Variants in ZNF536 observed in about 807,000 individuals in gnomAD.
The protein encoded by ZNF536 is zinc finger protein 536.
In ZNF536, 13 loss-of-function variants were observed where a neutral mutation model predicts 84.5. The observed-to-expected ratio is 0.15, with a 90% CI of 0.10 to 0.24. The LOEUF is 0.24. ZNF536 is among the 10% of genes least tolerant of loss of function. The pLI, the probability that ZNF536 is intolerant of heterozygous loss-of-function variation, is 1.00. For missense variants in ZNF536, 1,536 were observed against 1,747.5 expected (o/e 0.88, Z 2.16); for synonymous variants, 811 against 742.5 (o/e 1.09, Z -1.50).
At chr19:30,273,361 A>T (rs1217783090) in intron 1 of ZNF536, among the ~76,000 whole-genome samples, 1 of 152,192 alleles carries the variant, frequency 6.6e-6, no homozygotes, top group Non-Finnish European at 1.5e-5. Flanking sequence ...CTAGCAGTGA[A>T]TGAGAGTTCC....
At position 30,344,137 on chromosome 19, in the gene ZNF536, C is replaced by A. The variant is rs1470594502; in HGVS notation, c.-119-8231C>A. ...CCCTGTGGTTTCCCACCCCTAGGGC[C>A]TGCCCCCAGTTGGCAGACAAGGACA... On this transcript the variant is annotated intron_variant, in intron 2 of 5. Transcript: ENST00000585628. 4.0e-5 allele frequency among the ~76,000 whole-genome samples: 6 copies of A among 151,390 alleles called. No individual in the cohort carries two copies. The East Asian group carries it at 1.2e-3, about 30-fold the overall frequency.
intron 1 of ZNF536, among the ~76,000 whole-genome samples, chr19:30,400,824 C>G (rs1012132408): frequency 1.3e-5 from 2 of 152,152 alleles, no homozygotes; most frequent in Admixed American, 6.5e-5. Flanking sequence ...TTTTTATCTT[C>G]TTAGCAGGGT....
In ZNF536 at chr19:30,305,452, G is replaced by A. The variant is rs111369140; in HGVS notation, c.-120+21311G>A. On this transcript the variant is annotated intron_variant, in intron 2 of 5. Coordinates refer to the ZNF536 transcript ENST00000585628. ...AGTCAAGTGCTTGGCAAATGGAGGT[G>A]TGATCTGAGCGGTGAGCAGCTGGGT... Among the ~76,000 whole-genome samples the A allele has an allele frequency of 7.7e-3, 1,170 of 152,308 alleles. 5 individuals are homozygous for A. Among genetic ancestry groups the A allele is most frequent in the Non-Finnish European group, 0.012 (817 of 68,024 alleles).
intron 2 of ZNF536, among the ~76,000 whole-genome samples, chr19:30,307,249 C>T (rs552859687): frequency 9.2e-5 from 14 of 152,120 alleles, no homozygotes; most frequent in African/African-American, 2.9e-4. Context: ...TACCTCCCCC[C>T]CCTTTTTTGA....
intron 2 of ZNF536, among the ~76,000 whole-genome samples, chr19:30,291,126 T>C (rs2045826093): frequency 6.6e-6 from 1 of 152,230 alleles, no homozygotes; most frequent in South Asian, 2.1e-4. Flanking sequence ...CTTTACTTTG[T>C]AGATAGTGCT....
exon 2 of ZNF536, chr19:30,711,519 A>T (rs2052452764): frequency 6.6e-6 from 1 of 152,244 alleles, no homozygotes; most frequent in Non-Finnish European, 1.5e-5. Context: ...CGGTCACTGC[A>T]GAGAAAATCA....
At chr19:30,286,924 A>G (rs1329706801) in intron 2 of ZNF536, among the ~76,000 whole-genome samples, 1 of 152,182 alleles carries the variant, frequency 6.6e-6, no homozygotes, top group Non-Finnish European at 1.5e-5. Flanking sequence ...TGTTTTTACA[A>G]CTGATCCTTG....
chr19:30,277,234 T>A (rs934299240), intron 1 of ZNF536, among the ~76,000 whole-genome samples: 2 of 152,138 alleles, frequency 1.3e-5, no homozygotes, highest in South Asian at 4.1e-4. Context: ...GATGTGCACA[T>A]GGATTTGTTT....
At position 30,657,817 on chromosome 19, in the gene ZNF536, C is replaced by T. The variant is rs559089386; in HGVS notation, c.170-52940C>T. On this transcript the variant is annotated intron_variant, in intron 1 of 1. Coordinates refer to the ZNF536 transcript ENST00000592773. ...CACCAGAAAGACCTGTTAATTCCAT[C>T]TCAAAAAGAAATCAATCCAGAATCC... Among the ~76,000 whole-genome samples the T allele has an allele frequency of 7.2e-5, 11 of 152,316 alleles. No individual in the cohort carries two copies. In the South Asian group the frequency reaches 2.3e-3, roughly 32 times the overall value.
At chr19:30,522,228 G>A (rs1209770719) in intron 2 of ZNF536, among the ~76,000 whole-genome samples, 2 of 6,794 alleles carry the variant, frequency 2.9e-4, no homozygotes, top group Non-Finnish European at 7.0e-4. Context: ...AGATCCATGT[G>A]CCTGTGCCTG....
At chr19:30,402,630 C>G (rs562217790) in intron 1 of ZNF536, among the ~76,000 whole-genome samples, 1 of 151,790 alleles carries the variant, frequency 6.6e-6, no homozygotes, top group East Asian at 1.9e-4. Flanking sequence ...GCTCGACAGG[C>G]TTCTGTGTTT....
rs915188358 is a variant in ZNF536, at chr19:30,259,939, A to G, written c.-189-24133A>G. On this transcript the variant is annotated intron_variant, in intron 1 of 5. Coordinates refer to the ZNF536 transcript ENST00000585628. ...CTAATTTTTTTTTTTTTTTTTTTGCATTTTTAGTAGAGACGATGTTTCACC... is the reference window on the plus strand; with the variant it reads ...CTAATTTTTTTTTTTTTTTTTTTGCGTTTTTAGTAGAGACGATGTTTCACC... Among the ~76,000 whole-genome samples the G allele has an allele frequency of 1.3e-3, 109 of 86,720 alleles. 1 individual carries two copies. Among genetic ancestry groups the G allele is most frequent in the Non-Finnish European group, 1.8e-3 (77 of 42,038 alleles). 56.9% of individuals were successfully genotyped at this position (86,720 alleles called of 152,430 possible). A position where few individuals can be genotyped will look rare whatever the true frequency, so the allele number is the denominator to read the frequency against.
intron 3 of ZNF536, among the ~76,000 whole-genome samples, chr19:30,364,577 T>C (rs1264110586): frequency 6.6e-6 from 1 of 152,162 alleles, no homozygotes; most frequent in Admixed American, 6.5e-5. Context: ...GCTGTTGCCT[T>C]TCTCTCGATT....
At chr19:30,329,189 A>G (rs1453236527) in intron 2 of ZNF536, among the ~76,000 whole-genome samples, 2 of 152,218 alleles carry the variant, frequency 1.3e-5, no homozygotes, top group African/African-American at 4.8e-5. Flanking sequence ...CATGGGCCAC[A>G]CAACAGCAAG....
intron 2 of ZNF536, among the ~76,000 whole-genome samples, chr19:30,458,505 G>A (rs898734034): frequency 7.2e-6 from 1 of 139,798 alleles, no homozygotes; most frequent in Non-Finnish European, 1.5e-5. Flanking sequence ...GGGCTGGAGT[G>A]CAGTGGCGTG....
chr19:30,365,978 T>C (rs1002169603), intron 3 of ZNF536, among the ~76,000 whole-genome samples: 1 of 152,170 alleles, frequency 6.6e-6, no homozygotes, highest in African/African-American at 2.4e-5. Flanking sequence ...TCTTGCTATG[T>C]GTCTGGTGAT....
chr19:30,436,285 A>G (rs1188974731), intron 1 of ZNF536, among the ~76,000 whole-genome samples: 1 of 152,194 alleles, frequency 6.6e-6, no homozygotes, highest in Non-Finnish European at 1.5e-5. Flanking sequence ...GGATTTAACT[A>G]TTTCTGGCCC....
chr19:30,330,208 G>A (rs1039439601), intron 2 of ZNF536, among the ~76,000 whole-genome samples: 1 of 152,186 alleles, frequency 6.6e-6, no homozygotes. Context: ...GTGCCCACAT[G>A]TTAAATATTA....
At chr19:30,359,497 G>C (rs1268730714) in intron 3 of ZNF536, among the ~76,000 whole-genome samples, 1 of 152,252 alleles carries the variant, frequency 6.6e-6, no homozygotes, top group Non-Finnish European at 1.5e-5. Context: ...CCGTTGCTCA[G>C]ATGTGGGCAG....
Sources: allele counts gnomAD v4.1 joint callset (sites outside exome capture counted in the v4.1 genomes callset), GRCh38; gene constraint gnomAD v4.1.1; transcripts MANE v1.5; gene names NCBI Gene and HGNC (gene_info 2026-07-23, HGNC 2026-07-21).